Variants in GALNT17 observed in about 807,000 individuals in gnomAD.
GALNT17 encodes polypeptide N-acetylgalactosaminyltransferase 17, also known as UDP-GalNAc:polypeptide N-acetylgalactosaminyltransferase-like 3.
A neutral mutation model predicts 63.7 loss-of-function variants in GALNT17; 29 were observed. The observed-to-expected ratio is 0.46, with a 90% confidence interval of 0.34 to 0.62. The LOEUF (loss-of-function observed/expected upper bound fraction) is 0.62, where lower values mean the gene tolerates loss of function less well. GALNT17 is among the 20% of genes least tolerant of loss of function. The pLI is 0.01. For synonymous variants in GALNT17, 305 were observed against 318.3 expected, an observed-to-expected ratio of 0.96 and a Z score of 0.45; for missense variants, 603 against 799.6, an observed-to-expected ratio of 0.75 and a Z score of 2.97.
intron 1 of GALNT17, among the ~76,000 whole-genome samples, chr7:71,229,215 C>G (rs1215476390): frequency 6.6e-6 from 1 of 152,144 alleles, no homozygotes; most frequent in African/African-American, 2.4e-5. Context: ...AGGATGTGGC[C>G]CAGCGCTCAG....
At chr7:71,526,037 G>A (rs767683602) in intron 5 of GALNT17, among the ~76,000 whole-genome samples, 3 of 152,028 alleles carry the variant, frequency 2.0e-5, no homozygotes, top group Non-Finnish European at 4.4e-5. Context: ...ACCACGCCCG[G>A]CCTCGAGTAT....
intron 1 of GALNT17, among the ~76,000 whole-genome samples, chr7:71,155,932 C>T (rs1788226959): frequency 6.6e-6 from 1 of 151,906 alleles, no homozygotes; most frequent in Non-Finnish European, 1.5e-5. Flanking sequence ...CTCAGTGGCT[C>T]ATGCCTGTAA....
At chr7:71,409,011 TACACAAACACACACAC>T (rs1421421799) in intron 3 of GALNT17, among the ~76,000 whole-genome samples, 5 of 77,842 alleles carry the variant, frequency 6.4e-5, no homozygotes, top group African/African-American at 2.7e-4. Flanking sequence ...TATATGCACA[TACACAAACACACACAC>T]ACACACACAC....
chr7:71,455,165 T>TC (rs1208408257), intron 5 of GALNT17, among the ~76,000 whole-genome samples: 4 of 146,952 alleles, frequency 2.7e-5, no homozygotes, highest in African/African-American at 1.0e-4. Context: ...AAATCTTGTT[T>TC]CAAAAAAAAA....
At chr7:71,235,075 A>G (rs186543724) in intron 1 of GALNT17, among the ~76,000 whole-genome samples, 67 of 151,978 alleles carry the variant, frequency 4.4e-4, no homozygotes, top group Admixed American at 2.3e-3. Context: ...ACACAGTGAA[A>G]CTCTGTCTCT....
intron 2 of GALNT17, among the ~76,000 whole-genome samples, chr7:71,361,759 G>A (rs1233328639): frequency 6.6e-6 from 1 of 151,986 alleles, no homozygotes; most frequent in Non-Finnish European, 1.5e-5. Flanking sequence ...GTTATAAATA[G>A]CATTGCATCT....
chr7:71,175,342 TTGTC>T (rs771368080), intron 1 of GALNT17, among the ~76,000 whole-genome samples: 2 of 152,220 alleles, frequency 1.3e-5, no homozygotes, highest in Non-Finnish European at 2.9e-5. Flanking sequence ...ATTTATCTAT[TTGTC>T]TGTCTTTGTC....
chr7:71,444,963 G>A (rs1454241761), intron 5 of GALNT17, among the ~76,000 whole-genome samples: 1 of 152,168 alleles, frequency 6.6e-6, no homozygotes, highest in East Asian at 1.9e-4. Context: ...AGTAAGGACA[G>A]CACTGGGAAT....
At chr7:71,178,577 T>C (rs1788681388) in intron 1 of GALNT17, among the ~76,000 whole-genome samples, 1 of 152,164 alleles carries the variant, frequency 6.6e-6, no homozygotes, top group Admixed American at 6.5e-5. Flanking sequence ...TTCTATTTTT[T>C]AAGTCTTTTT....
intron 5 of GALNT17, among the ~76,000 whole-genome samples, chr7:71,433,855 AT>A (rs1210026043): frequency 6.6e-6 from 1 of 152,026 alleles, no homozygotes; most frequent in Non-Finnish European, 1.5e-5. Context: ...GTCAAAGGAG[AT>A]TAACATTTGA....
intron 5 of GALNT17, among the ~76,000 whole-genome samples, chr7:71,522,413 C>T (rs1427414363): frequency 1.3e-5 from 2 of 152,176 alleles, no homozygotes; most frequent in African/African-American, 4.8e-5. Flanking sequence ...TTCCATGTGG[C>T]TGGGGAAGCC....
chr7:71,371,672 G>T (rs983243594), intron 2 of GALNT17, among the ~76,000 whole-genome samples: 5 of 152,130 alleles, frequency 3.3e-5, no homozygotes, highest in Non-Finnish European at 5.9e-5. Context: ...TCCAGAATTT[G>T]TATGAATATT....
intron 5 of GALNT17, among the ~76,000 whole-genome samples, chr7:71,557,520 G>A (rs1219612162): frequency 6.6e-6 from 1 of 152,212 alleles, no homozygotes; most frequent in Non-Finnish European, 1.5e-5. Context: ...CTAGCTGGGT[G>A]CAGTGGCTCA....
intron 1 of GALNT17, among the ~76,000 whole-genome samples, chr7:71,166,065 C>G (rs1429768740): frequency 6.7e-6 from 1 of 149,522 alleles, no homozygotes; most frequent in Non-Finnish European, 1.5e-5. Context: ...GCATGTCCTT[C>G]TGAAGAGCTG....
chr7:71,246,273 C>A (rs527482482), intron 1 of GALNT17, among the ~76,000 whole-genome samples: 2 of 151,518 alleles, frequency 1.3e-5, no homozygotes, highest in East Asian at 4.0e-4. Context: ...AGGCACCCAC[C>A]CACCACTCCT....
At chr7:71,222,448 C>T (rs377408800) in intron 1 of GALNT17, among the ~76,000 whole-genome samples, 26 of 152,076 alleles carry the variant, frequency 1.7e-4, no homozygotes, top group African/African-American at 4.8e-4. Flanking sequence ...GTCCGCACCA[C>T]GCCAGGCTAA....
chr7:71,486,118 C>G (rs780567568), intron 5 of GALNT17, among the ~76,000 whole-genome samples: 1 of 151,940 alleles, frequency 6.6e-6, no homozygotes, highest in Non-Finnish European at 1.5e-5. Flanking sequence ...TACTTGAGGT[C>G]AGGAGTTCAA....
At chr7:71,541,234 C>G (rs1788885549) in intron 5 of GALNT17, among the ~76,000 whole-genome samples, 1 of 84,902 alleles carries the variant, frequency 1.2e-5, no homozygotes. Flanking sequence ...CAAAGCGAGA[C>G]ACTGTCTCAA....
intron 1 of GALNT17, among the ~76,000 whole-genome samples, chr7:71,233,808 A>G (rs558081864): frequency 6.6e-6 from 1 of 152,350 alleles, no homozygotes; most frequent in East Asian, 1.9e-4. Flanking sequence ...TGGGTAATTC[A>G]TAAAGAAAAC....
Sources: gnomAD v4.1 joint callset for allele counts (sites outside exome capture counted in the v4.1 genomes callset) on GRCh38, gnomAD v4.1.1 for gene constraint, MANE v1.5 for transcripts, NCBI Gene and HGNC (gene_info 2026-07-23, HGNC 2026-07-21) for gene names.